HEG1: variants seen among roughly 807,000 people sequenced by gnomAD.
HEG1 encodes the protein heart development protein with EGF like domains 1.
Under a neutral mutation model 125.6 loss-of-function variants are expected in HEG1, and 56 were observed. The observed-to-expected ratio is 0.45, with a 90% CI of 0.36 to 0.56. HEG1 has a LOEUF of 0.56. Among genes scored for constraint, HEG1 ranks in the 20% least tolerant of loss-of-function variants. HEG1 has a pLI of 0.00. For synonymous variants in HEG1, 644 were observed against 668.5 expected, an observed-to-expected ratio of 0.96 and a Z score of 0.57; for missense variants, 1,523 against 1,670.0, an observed-to-expected ratio of 0.91 and a Z score of 1.53.
chr3:125,007,198 CAAAAAAAA>C (rs1212172102), intron 8 of HEG1, among the ~76,000 whole-genome samples: 5 of 54,708 alleles, frequency 9.1e-5, no homozygotes, highest in Non-Finnish European at 3.9e-5. Context: ...GACTCCGTCT[CAAAAAAAA>C]AAAAAAAAAA....
At chr3:124,998,253 G>A (rs1339914502) in intron 11 of HEG1, among the ~76,000 whole-genome samples, 1 of 152,206 alleles carries the variant, frequency 6.6e-6, no homozygotes, top group African/African-American at 2.4e-5. Flanking sequence ...CTAAGAACAG[G>A]AGTGCAGGCC....
intron 1 of HEG1, among the ~76,000 whole-genome samples, chr3:125,042,377 G>A (rs9826320): frequency 5.5e-4 from 84 of 152,150 alleles, no homozygotes; most frequent in African/African-American, 2.0e-3. Context: ...TCAGTGAGCC[G>A]AGATCATGCC....
intron 15 of HEG1, among the ~76,000 whole-genome samples, chr3:124,977,167 T>C (rs1288597963): frequency 6.6e-6 from 1 of 152,198 alleles, no homozygotes; most frequent in Admixed American, 6.5e-5. Context: ...GTAAGACATG[T>C]CTTGCTCCTC....
At chr3:125,004,324 A>C (rs577909376) in intron 9 of HEG1, among the ~76,000 whole-genome samples, 9 of 152,220 alleles carry the variant, frequency 5.9e-5, no homozygotes, top group Non-Finnish European at 1.3e-4. Flanking sequence ...AAAGTTTTTT[A>C]ATGGCAAATT....
At chr3:125,002,395 A>C (rs1937014604) in intron 9 of HEG1, 80 bp from the exon 10 acceptor site, 3 of 1,263,320 alleles carry the variant, frequency 2.4e-6, no homozygotes, top group Non-Finnish European at 3.4e-6. Context: ...TATTTTCAGG[A>C]TAAAACAGGC....
intron 9 of HEG1, among the ~76,000 whole-genome samples, chr3:125,003,321 G>A (rs573488625): frequency 1.7e-4 from 26 of 152,186 alleles, no homozygotes; most frequent in Non-Finnish European, 3.4e-4. Flanking sequence ...TGAGCGCCAC[G>A]TAATGCAAAG....
chr3:124,972,687 C>T (rs541478933), intron 16 of HEG1, among the ~76,000 whole-genome samples: 7 of 152,302 alleles, frequency 4.6e-5, no homozygotes, highest in African/African-American at 1.7e-4. Flanking sequence ...CGAGAAGTCA[C>T]CTGATAACTG....
chr3:124,992,933 G>T (rs961599630), intron 12 of HEG1, among the ~76,000 whole-genome samples: 1 of 152,122 alleles, frequency 6.6e-6, no homozygotes, highest in South Asian at 2.1e-4. Context: ...TGTTATAAGC[G>T]GCAGCCATGG....
At chr3:125,042,437 T>TA (rs145529514) in intron 1 of HEG1, among the ~76,000 whole-genome samples, 6,760 of 151,794 alleles carry the variant, frequency 0.045, 339 homozygotes, top group East Asian at 0.15. Flanking sequence ...TCAAAAAAAA[T>TA]AAAAAAATAA....
Position 125,001,932 on chromosome 3 carries a change from C to G in HEG1, c.3437G>C (p.Arg1146Thr), listed in dbSNP as rs369884206. The G allele has an allele frequency of 6.2e-7, 1 of 1,613,854 alleles. No homozygotes were observed. The highest frequency in any genetic ancestry group is 1.3e-5 in the African/African-American group (1 of 74,936). ...SNVTLFDLADRMQKCVNSCKS... is the reference protein window; with the variant it reads ...SNVTLFDLADTMQKCVNSCKS... ...GCAGGAGTTGACACATTTCTGCATCCTATCAGCCAGGTCAAATAGCGTCAC... is the reference window on the plus strand; with the variant it reads ...GCAGGAGTTGACACATTTCTGCATCGTATCAGCCAGGTCAAATAGCGTCAC... The change falls in exon 11 of 17, where the codon AGG (arginine) becomes ACG (threonine). Residue 1146 changes from arginine (R) to threonine (T), a missense_variant. Transcript: ENST00000311127.
chr3:125,024,940 A>C (rs1937394897), intron 3 of HEG1, among the ~76,000 whole-genome samples: 1 of 152,222 alleles, frequency 6.6e-6, no homozygotes, highest in Non-Finnish European at 1.5e-5. Context: ...GGACTGGTGT[A>C]AGCGCCAGGC....
At chr3:125,030,488 A>G (rs1367807237) in intron 1 of HEG1, among the ~76,000 whole-genome samples, 2 of 152,266 alleles carry the variant, frequency 1.3e-5, no homozygotes, top group Non-Finnish European at 2.9e-5. Flanking sequence ...CAGTTACAGT[A>G]GACAGTATCC....
chr3:125,024,869 T>C (rs2948784), intron 3 of HEG1, among the ~76,000 whole-genome samples: 74,534 of 151,636 alleles, frequency 0.49, 18,661 homozygotes, highest in Middle Eastern at 0.64. Flanking sequence ...AGCCACCTCC[T>C]CTCCATGCCA....
intron 5 of HEG1, chr3:125,014,961 T>C (rs1170535276): frequency 3.9e-6 from 5 of 1,283,496 alleles, no homozygotes; most frequent in Non-Finnish European, 5.1e-6. Flanking sequence ...GTCCTCTGCA[T>C]TGGCGGAACT....
Position 125,029,541 on chromosome 3 carries a change from A to G in HEG1, c.317-53T>C, listed in dbSNP as rs1937468462. ...AGAGTTTGCTGGCTTCTGACAAGAA[A>G]AGTAAACCTTCAGAAAAGACACCGT... On this transcript the variant is annotated intron_variant, in intron 1 of 16. Transcript: ENST00000311127. 3.9e-6 allele frequency: 6 copies of G among 1,523,410 alleles called. No homozygotes were observed. The South Asian group carries it at 6.1e-5, about 16-fold the overall frequency. 94.4% of individuals were successfully genotyped at this position (1,523,410 alleles called of 1,614,324 possible).
intron 1 of HEG1, among the ~76,000 whole-genome samples, chr3:125,054,729 C>T (rs1427521807): frequency 1.3e-5 from 2 of 152,210 alleles, no homozygotes; most frequent in East Asian, 3.8e-4. Context: ...TTTGTCACAT[C>T]ATCACTAGGA....
At chr3:125,049,468 C>A (rs1033037823) in intron 1 of HEG1, among the ~76,000 whole-genome samples, 4 of 152,202 alleles carry the variant, frequency 2.6e-5, no homozygotes, top group African/African-American at 9.7e-5. Flanking sequence ...TAACTACTGC[C>A]CCTCAGGGCT....
At chr3:125,004,116 A>ATGCACAT (rs1192762121) in intron 9 of HEG1, among the ~76,000 whole-genome samples, 1 of 152,192 alleles carries the variant, frequency 6.6e-6, no homozygotes, top group Non-Finnish European at 1.5e-5. Flanking sequence ...TGTGCTGGCA[A>ATGCACAT]TGCCTGTTAC....
intron 12 of HEG1, among the ~76,000 whole-genome samples, chr3:124,996,204 C>A (rs1318066678): frequency 6.6e-6 from 1 of 152,122 alleles, no homozygotes; most frequent in African/African-American, 2.4e-5. Flanking sequence ...CCTGCCTCAG[C>A]TTCCCGAGTA....
Sources: gnomAD v4.1 joint callset for allele counts (sites outside exome capture counted in the v4.1 genomes callset) on GRCh38, gnomAD v4.1.1 for gene constraint, MANE v1.5 for transcripts, NCBI Gene and HGNC (gene_info 2026-07-23, HGNC 2026-07-21) for gene names.